AGO2: variants seen among roughly 807,000 people sequenced by gnomAD.
AGO2 encodes the protein argonaute RISC catalytic component 2.
In AGO2, 5 loss-of-function variants were observed where a neutral mutation model predicts 102.3. The observed-to-expected ratio is 0.05, with a 90% CI of 0.03 to 0.10. The LOEUF (loss-of-function observed/expected upper bound fraction) is 0.10, where lower values mean the gene tolerates loss of function less well. AGO2 is among the 10% of genes least tolerant of loss of function. The pLI is 1.00. For missense variants in AGO2, 541 were observed against 1,183.7 expected (o/e 0.46, Z 7.97); for synonymous variants, 449 against 473.1 (o/e 0.95, Z 0.66).
At chr8:140,553,220 T>C (rs1416446662) in intron 10 of AGO2, among the ~76,000 whole-genome samples, 3 of 151,988 alleles carry the variant, frequency 2.0e-5, no homozygotes, top group Admixed American at 2.0e-4. Context: ...ACCTCGTCTC[T>C]ACAAAACATT....
chr8:140,607,199 A>T (rs961836111), intron 1 of AGO2, among the ~76,000 whole-genome samples: 21 of 151,904 alleles, frequency 1.4e-4, no homozygotes, highest in African/African-American at 5.1e-4. Context: ...CAGTGACCCG[A>T]GATCATGTCA....
chr8:140,632,889 T>C (rs1026059312), intron 1 of AGO2, among the ~76,000 whole-genome samples: 1 of 152,036 alleles, frequency 6.6e-6, no homozygotes, highest in Non-Finnish European at 1.5e-5. Context: ...AGCAAAACTA[T>C]TTGTAATTTT....
At chr8:140,636,119 G>T (rs1167522371), upstream of AGO2, among the ~76,000 whole-genome samples, 1 of 151,706 alleles carries the variant, frequency 6.6e-6, no homozygotes, top group Non-Finnish European at 1.5e-5. Context: ...CCCCCAGCCT[G>T]GCTCTTTAAG....
At chr8:140,577,273 A>G (rs2073481813) in intron 2 of AGO2, among the ~76,000 whole-genome samples, 1 of 151,974 alleles carries the variant, frequency 6.6e-6, no homozygotes, top group South Asian at 2.1e-4. Context: ...AGGAACAGGT[A>G]TACAATGATA....
At chr8:140,563,554 C>T (rs2073235708) in intron 3 of AGO2, among the ~76,000 whole-genome samples, 1 of 152,158 alleles carries the variant, frequency 6.6e-6, no homozygotes, top group Non-Finnish European at 1.5e-5. Context: ...ACTTTTTATC[C>T]ATGAAACCAC....
chr8:140,556,958 A>G (rs2132930978), intron 8 of AGO2, 131 bp downstream of exon 8: 1 of 1,340,090 alleles, frequency 7.5e-7, no homozygotes, highest in Non-Finnish European at 1.0e-6. Flanking sequence ...ACCCACCCGC[A>G]TTCCTGCAGC....
In AGO2 at chr8:140,549,318, T is replaced by A. The variant is rs2072955775; in HGVS notation, c.1404-20A>T. On this transcript the variant is annotated intron_variant, in intron 11 of 18. Transcript: ENST00000220592. ...AAGGACCTGCAGGAGAAGGCTCCGT[T>A]CACTACCGGGCACTGGGAATGGCAG... 3.2e-6 allele frequency: 5 copies of A among 1,572,084 alleles called. No individual in the cohort carries two copies. The East Asian group carries it at 1.1e-4, about 36-fold the overall frequency.
At chr8:140,544,368 GC>G in intron 13 of AGO2, 65 bp from the exon 14 acceptor site, 1 of 1,370,914 alleles carries the variant, frequency 7.3e-7, no homozygotes, top group East Asian at 2.6e-5. Flanking sequence ...GCTAGTAGGT[GC>G]CACCATCACC....
chr8:140,533,883 T>G (rs1014787673), intron 17 of AGO2, among the ~76,000 whole-genome samples: 1 of 152,072 alleles, frequency 6.6e-6, no homozygotes, highest in African/African-American at 2.4e-5. Context: ...TGAGTACCAT[T>G]TTACACACCT....
At chr8:140,579,538 T>TGGAG (rs1231203253) in intron 2 of AGO2, among the ~76,000 whole-genome samples, 2 of 152,186 alleles carry the variant, frequency 1.3e-5, no homozygotes, top group African/African-American at 2.4e-5. Flanking sequence ...CTTAGTTGCC[T>TGGAG]GTGTTTCTGA....
chr8:140,635,588 C>T lies in AGO2; in HGVS notation c.-82G>A. 2.2e-6 allele frequency: 2 copies of T among 926,638 alleles called. No individual in the cohort carries two copies. The highest frequency in any genetic ancestry group is 2.6e-6 in the Non-Finnish European group (2 of 779,498). 57.4% of individuals were successfully genotyped at this position (926,638 alleles called of 1,614,324 possible). On this transcript the variant is annotated 5_prime_UTR_variant, in exon 1 of 19. Coordinates refer to ENST00000220592, the MANE Select transcript of AGO2 (RefSeq NM_012154.5). Reference sequence around the variant, plus strand: ...CCCGACGCCGCGAGCCGCGAGGGAGCCGCCGGCCGCACGATCCGCCCCGGC... The same window carrying T: ...CCCGACGCCGCGAGCCGCGAGGGAGTCGCCGGCCGCACGATCCGCCCCGGC...
At chr8:140,559,553 G>GGCCTAA (rs3830525) in intron 5 of AGO2, 24 bp from the exon 6 acceptor site, 98,252 of 1,613,490 alleles carry the variant, frequency 0.061, 3,263 homozygotes, top group African/African-American at 0.13. Context: ...AAGAGGCAAA[G>GGCCTAA]GCCTAAGCAT....
intron 14 of AGO2, among the ~76,000 whole-genome samples, chr8:140,542,496 A>G (rs760614745): frequency 3.9e-5 from 6 of 152,074 alleles, no homozygotes; most frequent in Non-Finnish European, 8.8e-5. Flanking sequence ...ATTAACATAA[A>G]CAGAAATCTG....
chr8:140,568,232 T>C (rs1168100202), intron 3 of AGO2, among the ~76,000 whole-genome samples: 1 of 143,412 alleles, frequency 7.0e-6, no homozygotes, highest in Non-Finnish European at 1.5e-5. Flanking sequence ...TACAGTGAGC[T>C]GACATCGTGC....
At chr8:140,607,513 TATAC>T (rs1455975023) in intron 1 of AGO2, among the ~76,000 whole-genome samples, 7 of 10,304 alleles carry the variant, frequency 6.8e-4, no homozygotes, top group Non-Finnish European at 1.2e-3. Flanking sequence ...TATATATATA[TATAC>T]ACACACACAC....
chr8:140,555,934 G>T lies in AGO2; in HGVS notation c.1231C>A (p.Arg411=), dbSNP rs758821854. 2.5e-6 allele frequency: 4 copies of T among 1,613,888 alleles called. No individual in the cohort carries two copies. In the East Asian group the frequency reaches 6.7e-5, roughly 27 times the overall value. ...VKDEMTDVTG[R]VLQPPSILYG... is the part of the protein sequence containing the mutation. ...AGGATGGAGGGCGGCTGCAGCACCC[G>T]CCCAGTCACGTCTGTCATCTCATCT... Residue 411 remains arginine, a synonymous_variant, in exon 10 of 19, where the codon CGG becomes AGG. Coordinates refer to ENST00000220592, the MANE Select transcript of AGO2 (RefSeq NM_012154.5).
chr8:140,547,500 T>C lies in AGO2; in HGVS notation c.1716A>G (p.Gly572=). 1 of 1,614,096 alleles carries C rather than the reference T, an allele frequency of 6.2e-7. No individual in the cohort carries two copies. Residue 572 remains glycine, a synonymous_variant, in exon 13 of 19, where the codon GGA becomes GGG. Transcript: ENST00000220592. ...NLCLKINVKL[G]GVNNILLPQG... ...GGGGCAGCAGGATGTTGTTCACGCC[T>C]CCCAGCTTGACGTTGATCTTCAGGC...
chr8:140,635,898 G>C (rs1178886015), upstream of AGO2, among the ~76,000 whole-genome samples: 1 of 148,690 alleles, frequency 6.7e-6, no homozygotes, highest in Non-Finnish European at 1.5e-5. Flanking sequence ...GAGCGGGGAC[G>C]AGGGCCGAGG....
Position 140,539,513 on chromosome 8 carries a change from T to C in AGO2, c.2035-59A>G. The C allele has an allele frequency of 6.4e-7, 1 of 1,555,322 alleles. No homozygotes were observed. Among genetic ancestry groups the C allele is most frequent in the Non-Finnish European group, 8.7e-7 (1 of 1,144,538 alleles). ...AGATGGTAGTGCATGTGAGCAACGGTCCCACGTGCGGGTTCTGGGTTGAGA... is the reference window on the plus strand; with the variant it reads ...AGATGGTAGTGCATGTGAGCAACGGCCCCACGTGCGGGTTCTGGGTTGAGA... On this transcript the variant is annotated intron_variant, in intron 15 of 18. Coordinates refer to ENST00000220592, the MANE Select transcript of AGO2 (RefSeq NM_012154.5). The surrounding 1 kb of genome is among the most constrained non-coding windows in gnomAD (Gnocchi z 4.7).
Sources: allele counts gnomAD v4.1 joint callset (sites outside exome capture counted in the v4.1 genomes callset), GRCh38; gene constraint gnomAD v4.1.1; non-coding constraint Gnocchi (gnomAD v3.1); transcripts MANE v1.5; gene names NCBI Gene and HGNC (gene_info 2026-07-23, HGNC 2026-07-21).